Variants in RPH3AL observed in about 807,000 individuals in gnomAD.
RPH3AL encodes the protein rab effector Noc2.
In RPH3AL, 38 loss-of-function variants were observed where a neutral mutation model predicts 43.1. The observed-to-expected ratio is 0.88, with a 90% CI of 0.68 to 1.15. The LOEUF is 1.15. RPH3AL is among the 50% of genes most tolerant of loss of function. RPH3AL has a pLI of 0.00. For missense variants in RPH3AL, 462 were observed against 423.2 expected, an observed-to-expected ratio of 1.09 and a Z score of -0.81; for synonymous variants, 189 against 176.3, an observed-to-expected ratio of 1.07 and a Z score of -0.57.
At chr17:240,257 T>C (rs1339426463) in intron 7 of RPH3AL, among the ~76,000 whole-genome samples, 1 of 144,038 alleles carries the variant, frequency 6.9e-6, no homozygotes, top group Non-Finnish European at 1.6e-5. Flanking sequence ...AAAAAAGGTT[T>C]TTTTGTTGTA....
intron 7 of RPH3AL, among the ~76,000 whole-genome samples, chr17:232,223 G>T (rs1430907138): frequency 6.6e-6 from 1 of 152,212 alleles, no homozygotes; most frequent in Non-Finnish European, 1.5e-5. Context: ...AGACTACGGT[G>T]CAAATTATTT....
At chr17:252,529 C>T (rs58315634) in intron 6 of RPH3AL, among the ~76,000 whole-genome samples, 21,251 of 152,090 alleles carry the variant, frequency 0.14, 1,559 homozygotes, top group South Asian at 0.17. Flanking sequence ...TCAGAGCAGT[C>T]GTTCCGAACT....
At chr17:351,376 G>A (rs566684680) in intron 1 of RPH3AL, among the ~76,000 whole-genome samples, 1 of 152,252 alleles carries the variant, frequency 6.6e-6, no homozygotes, top group Non-Finnish European at 1.5e-5. Context: ...GAAAAGTTCA[G>A]AGGCCACACC....
intron 9 of RPH3AL, among the ~76,000 whole-genome samples, chr17:214,383 C>T (rs762828729): frequency 2.6e-4 from 39 of 152,172 alleles, no homozygotes; most frequent in Non-Finnish European, 1.0e-4. Context: ...TGAAGGACAC[C>T]GTACCGATAA....
At position 213,671 on chromosome 17, in the gene RPH3AL, C is replaced by G; in HGVS notation, c.*181G>C. 1.6e-6 allele frequency: 1 copy of G among 632,048 alleles called. No homozygotes were observed. Among genetic ancestry groups the G allele is most frequent in the Admixed American group, 2.4e-5 (1 of 41,502 alleles). 39.2% of individuals were successfully genotyped at this position (632,048 alleles called of 1,614,324 possible). A position where few individuals can be genotyped will look rare whatever the true frequency, so the allele number is the denominator to read the frequency against. ...GAGGGGGTGGCGGATGCAGACAGCT[C>G]CCCAGGAGAGAAGGGGTGCAGAAAG... On this transcript the variant is annotated 3_prime_UTR_variant, in exon 10 of 10. Coordinates refer to ENST00000331302, the MANE Select transcript of RPH3AL (RefSeq NM_006987.4).
rs929662996 is a variant in RPH3AL, at chr17:215,172, T to C, written c.876+482A>G. ...CAGGGCTGATCCTGCACCTGCGCAGTTTTCTCTGGCTTCAGTTTAAGGAGA... is the reference window on the plus strand; with the variant it reads ...CAGGGCTGATCCTGCACCTGCGCAGCTTTCTCTGGCTTCAGTTTAAGGAGA... On this transcript the variant is annotated intron_variant, in intron 9 of 9. Coordinates refer to ENST00000331302, the MANE Select transcript of RPH3AL (RefSeq NM_006987.4). The surrounding 1 kb of genome is among the most constrained non-coding windows in gnomAD (Gnocchi z 4.1). 3.3e-5 allele frequency among the ~76,000 whole-genome samples: 5 copies of C among 152,064 alleles called. No individual in the cohort carries two copies. The highest frequency in any genetic ancestry group is 1.3e-4 in the Admixed American group (2 of 15,274).
At chr17:298,825 C>T (rs1340468020) in intron 5 of RPH3AL, among the ~76,000 whole-genome samples, 1 of 152,114 alleles carries the variant, frequency 6.6e-6, no homozygotes, top group African/African-American at 2.4e-5. Flanking sequence ...AGCAACAGCA[C>T]ACTAGCGATC....
chr17:274,928 A>T lies in RPH3AL; in HGVS notation c.438+6840T>A, dbSNP rs1349720435. On this transcript the variant is annotated intron_variant, in intron 6 of 9. Coordinates refer to ENST00000331302, the MANE Select transcript of RPH3AL (RefSeq NM_006987.4). The surrounding 1 kb of genome is among the most constrained non-coding windows in gnomAD (Gnocchi z 4.7). ...AAGAAGAAAAGGAGCAAAATAAAGGAAATAATGGAGGACTGCCGGGAAACC... is the reference window on the plus strand; with the variant it reads ...AAGAAGAAAAGGAGCAAAATAAAGGTAATAATGGAGGACTGCCGGGAAACC... Among the ~76,000 whole-genome samples the T allele has an allele frequency of 1.3e-5, 2 of 152,192 alleles. No individual in the cohort carries two copies. The highest frequency in any genetic ancestry group is 2.9e-5 in the Non-Finnish European group (2 of 68,036).
At chr17:281,693 G>A (rs530814736) in intron 6 of RPH3AL, 75 bp downstream of exon 6, 3 of 533,668 alleles carry the variant, frequency 5.6e-6, no homozygotes. Context: ...CCGTCACCCT[G>A]ACCGTCCACC....
intron 5 of RPH3AL, among the ~76,000 whole-genome samples, chr17:293,760 G>A (rs1157302417): frequency 2.0e-5 from 3 of 151,996 alleles, no homozygotes; most frequent in Non-Finnish European, 4.4e-5. Flanking sequence ...CGGGCGCGGT[G>A]GCTCACGCCT....
intron 7 of RPH3AL, among the ~76,000 whole-genome samples, chr17:235,797 A>G (rs113521561): frequency 8.8e-5 from 11 of 125,690 alleles, no homozygotes; most frequent in African/African-American, 3.3e-4. Flanking sequence ...AACAAGATGG[A>G]TCCTGGGTTC....
intron 7 of RPH3AL, among the ~76,000 whole-genome samples, chr17:244,522 T>C (rs2041699400): frequency 6.6e-6 from 1 of 151,976 alleles, no homozygotes; most frequent in African/African-American, 2.4e-5. Flanking sequence ...GGTGCTGTGA[T>C]CAGCTCCAAG....
intron 5 of RPH3AL, among the ~76,000 whole-genome samples, chr17:302,637 C>T (rs1423371468): frequency 7.2e-5 from 11 of 152,142 alleles, no homozygotes; most frequent in Non-Finnish European, 1.0e-4. Flanking sequence ...GATCCAGGCC[C>T]GGCCCTCCCG....
rs1238746568 is a variant in RPH3AL at position 319,438 on chromosome 17, G to A, written c.333C>T (p.Phe111=). The change falls in exon 5 of 10, where the codon TTC becomes TTT. Residue 111 remains phenylalanine, a synonymous_variant. Transcript: ENST00000331302. ...GTCTTACCTTCCTGCAGTCTTTGCAGAACACCGACGAGCTGCCCAGGAAGC... is the reference window on the plus strand; with the variant it reads ...GTCTTACCTTCCTGCAGTCTTTGCAAAACACCGACGAGCTGCCCAGGAAGC... ...VLGFLGSSSV[F]CKDCRKKVCT... is the part of the protein sequence containing the mutation. 4.3e-6 allele frequency: 7 copies of A among 1,612,286 alleles called. No individual in the cohort carries two copies. Among genetic ancestry groups the A allele is most frequent in the Non-Finnish European group, 5.9e-6 (7 of 1,179,846 alleles).
rs765701669 is a variant in RPH3AL, at chr17:283,811, C to T, written c.352-1957G>A. On this transcript the variant is annotated intron_variant, in intron 5 of 9. Transcript: ENST00000331302. The surrounding 1 kb of genome is among the most constrained non-coding windows in gnomAD (Gnocchi z 4.2). ...CCTCACAGAGACTGGTGACTCTCCC[C>T]TTCCCCAAGAGAGCAGCCTCTCTCC... Among the ~76,000 whole-genome samples the T allele has an allele frequency of 2.0e-4, 31 of 152,188 alleles. No homozygotes were observed. Among genetic ancestry groups the T allele is most frequent in the Non-Finnish European group, 4.6e-4 (31 of 68,034 alleles).
chr17:222,191 C>A (rs2041008189), intron 7 of RPH3AL, among the ~76,000 whole-genome samples: 1 of 152,186 alleles, frequency 6.6e-6, no homozygotes, highest in African/African-American at 2.4e-5. Context: ...TGGACACATT[C>A]ATTGAAGTTT....
intron 3 of RPH3AL, among the ~76,000 whole-genome samples, chr17:324,702 G>GCTAGCTATCTAT (rs1301592247): frequency 2.9e-4 from 35 of 119,922 alleles, no homozygotes; most frequent in Admixed American, 4.0e-4. Flanking sequence ...TAGCTAGCTA[G>GCTAGCTATCTAT]CTATGTACCT....
At chr17:314,715 CACCTCCACTGACCTGTAGTCTCTGTGCT>C (rs2043842215) in intron 5 of RPH3AL, among the ~76,000 whole-genome samples, 1 of 145,468 alleles carries the variant, frequency 6.9e-6, no homozygotes, top group African/African-American at 2.5e-5. Context: ...CTCTGTGCTC[CACCTCCACTGACCTGTAGTCTCTGTGCT>C]CCACCTCCAT....
intron 7 of RPH3AL, among the ~76,000 whole-genome samples, chr17:220,185 A>T (rs1238125699): frequency 1.5e-4 from 22 of 150,380 alleles, no homozygotes; most frequent in African/African-American, 5.4e-4. Context: ...CCCAAGCACA[A>T]CAGCTCTGAG....
Sources: allele counts gnomAD v4.1 joint callset (sites outside exome capture counted in the v4.1 genomes callset), GRCh38; gene constraint gnomAD v4.1.1; non-coding constraint Gnocchi (gnomAD v3.1); transcripts MANE v1.5; gene names NCBI Gene and HGNC (gene_info 2026-07-23, HGNC 2026-07-21).